ANTXR1: variants seen among roughly 807,000 people sequenced by gnomAD.
ANTXR1 encodes anthrax toxin receptor 1.
Under a neutral mutation model 78.1 loss-of-function variants are expected in ANTXR1, and 19 were observed. The ratio of observed to expected loss-of-function variants is 0.24; its 90% CI spans 0.17 to 0.36. The LOEUF (loss-of-function observed/expected upper bound fraction) is 0.36, where lower values mean the gene tolerates loss of function less well. Among genes scored for constraint, ANTXR1 ranks in the 10% least tolerant of loss-of-function variants. ANTXR1 has a pLI of 1.00. For synonymous variants in ANTXR1, 273 were observed against 260.5 expected (o/e 1.05, Z -0.46); for missense variants, 518 against 718.6 (o/e 0.72, Z 3.19).
At chr2:69,224,509 C>G (rs769271164) in intron 17 of ANTXR1, among the ~76,000 whole-genome samples, 6 of 152,184 alleles carry the variant, frequency 3.9e-5, no homozygotes, top group Non-Finnish European at 8.8e-5. Flanking sequence ...GCCCTCAAAT[C>G]TCTACCTCCC....
chr2:69,152,245 G>A lies in ANTXR1; in HGVS notation c.1028G>A (p.Trp343Ter), dbSNP rs1416298594. The A allele has an allele frequency of 6.2e-7, 1 of 1,614,150 alleles. No individual in the cohort carries two copies. Among genetic ancestry groups the A allele is most frequent in the Non-Finnish European group, 8.5e-7 (1 of 1,180,030 alleles). The change falls in exon 13 of 18, where the codon TGG (tryptophan) becomes TAG (stop). Residue 343 changes from tryptophan to a stop codon, truncating the protein, a stop_gained. Transcript: ENST00000303714. LOFTEE classifies it high-confidence loss of function. The part of the protein sequence containing the change: ...LLALALLWWF[W>*]PLCCTVIIKE... ...GCCCTGGCTCTCCTCTGGTGGTTCT[G>A]GCCCCTCTGCTGCACTGTGGTAAGT... is the stretch of plus-strand genomic sequence containing the variant.
Position 69,041,931 on chromosome 2 carries a change from C to G in ANTXR1, c.224+1816C>G, listed in dbSNP as rs552605269. Among the ~76,000 whole-genome samples, 4 of 152,304 alleles carry G rather than the reference C, an allele frequency of 2.6e-5. No homozygotes were observed. The East Asian group carries it at 7.7e-4, about 29-fold the overall frequency. ...GTGGAGCCAAGATCTTACCATCACC[C>G]AAACTCCACCAGGCAGAGGCTGGGC... On this transcript the variant is annotated intron_variant, in intron 2 of 17. Transcript: ENST00000303714.
intron 8 of ANTXR1, among the ~76,000 whole-genome samples, chr2:69,078,028 G>T (rs944828090): frequency 6.6e-6 from 1 of 152,162 alleles, no homozygotes; most frequent in Non-Finnish European, 1.5e-5. Flanking sequence ...CACTGCTTTC[G>T]ACCTATAATC....
At chr2:69,207,917 C>T (rs1419099071) in intron 17 of ANTXR1, among the ~76,000 whole-genome samples, 1 of 152,126 alleles carries the variant, frequency 6.6e-6, no homozygotes, top group Non-Finnish European at 1.5e-5. Flanking sequence ...GAGTCTGGGG[C>T]TTTTTATGAA....
rs187495560 is a variant in ANTXR1 at position 69,191,682 on chromosome 2, G to C, written c.1354-1653G>C. On this transcript the variant is annotated intron_variant, in intron 16 of 17. Transcript: ENST00000303714. ...AAAAGTTCTGGTCCCATACAAAATT[G>C]ATTTCATAAGGGCTTAAAGGGTTGC... Among the ~76,000 whole-genome samples, 93 of 152,268 alleles carry C rather than the reference G, an allele frequency of 6.1e-4. 1 individual carries two copies. Among genetic ancestry groups the C allele is most frequent in the Admixed American group, 2.6e-3 (40 of 15,296 alleles).
At chr2:69,168,884 G>A (rs1673901382) in intron 13 of ANTXR1, among the ~76,000 whole-genome samples, 1 of 152,246 alleles carries the variant, frequency 6.6e-6, no homozygotes, top group East Asian at 1.9e-4. Context: ...GAAACCCCTG[G>A]AGGCCTTCAC....
intron 6 of ANTXR1, among the ~76,000 whole-genome samples, chr2:69,074,574 A>G (rs944177220): frequency 8.5e-5 from 13 of 152,226 alleles, no homozygotes; most frequent in African/African-American, 3.1e-4. Flanking sequence ...TATAAAGTCC[A>G]ACTGGAGGAG....
rs1421855485 is a variant in ANTXR1, at chr2:69,227,550, C to T, written c.1435-17675C>T. Among the ~76,000 whole-genome samples, 3 of 152,152 alleles carry T rather than the reference C, an allele frequency of 2.0e-5. No individual in the cohort carries two copies. In the East Asian group the frequency reaches 5.8e-4, roughly 29 times the overall value. ...TATTTAGGTTAGAAGTTCAGCTGACCTACCAAAAGCCCAAAATAATACAAG... is the reference window on the plus strand; with the variant it reads ...TATTTAGGTTAGAAGTTCAGCTGACTTACCAAAAGCCCAAAATAATACAAG... On this transcript the variant is annotated intron_variant, in intron 17 of 17. Coordinates refer to ENST00000303714, the MANE Select transcript of ANTXR1 (RefSeq NM_032208.3).
chr2:69,035,051 A>C (rs923209924), intron 1 of ANTXR1, among the ~76,000 whole-genome samples: 6 of 152,174 alleles, frequency 3.9e-5, no homozygotes, highest in African/African-American at 1.2e-4. Flanking sequence ...TTTCCACACC[A>C]GAAGATCAGT....
At chr2:69,052,948 T>C (rs1025969518) in intron 3 of ANTXR1, among the ~76,000 whole-genome samples, 6 of 152,206 alleles carry the variant, frequency 3.9e-5, no homozygotes, top group Non-Finnish European at 8.8e-5. Context: ...ATGAATACTT[T>C]CCTGTTCCTA....
chr2:69,184,736 A>T (rs1674378920), intron 16 of ANTXR1, among the ~76,000 whole-genome samples: 1 of 152,194 alleles, frequency 6.6e-6, no homozygotes, highest in African/African-American at 2.4e-5. Context: ...CCCAACACCC[A>T]CTTGGAATTA....
At chr2:69,017,717 T>A (rs1671063166) in intron 1 of ANTXR1, among the ~76,000 whole-genome samples, 1 of 152,150 alleles carries the variant, frequency 6.6e-6, no homozygotes, top group South Asian at 2.1e-4. Flanking sequence ...GCTTTTCTGG[T>A]TATAGTCAGG....
chr2:69,180,287 C>G (rs1026508429), intron 14 of ANTXR1, among the ~76,000 whole-genome samples: 4 of 152,272 alleles, frequency 2.6e-5, no homozygotes, highest in African/African-American at 9.6e-5. Context: ...CTGTGAGAAG[C>G]AGGCTTCAGC....
At chr2:69,053,987 T>C (rs565950556) in intron 3 of ANTXR1, among the ~76,000 whole-genome samples, 1 of 152,326 alleles carries the variant, frequency 6.6e-6, no homozygotes, top group South Asian at 2.1e-4. Flanking sequence ...CCAATATGTG[T>C]ATGTACATAT....
chr2:69,079,619 G>C (rs1400266183), intron 8 of ANTXR1, among the ~76,000 whole-genome samples: 2 of 152,158 alleles, frequency 1.3e-5, no homozygotes, highest in African/African-American at 4.8e-5. Flanking sequence ...ATTAACATGA[G>C]CCTCGAAGGG....
At chr2:69,054,349 A>G (rs1670010478) in intron 3 of ANTXR1, among the ~76,000 whole-genome samples, 1 of 152,156 alleles carries the variant, frequency 6.6e-6, no homozygotes, top group South Asian at 2.1e-4. Context: ...ATCTAAGCAT[A>G]CATAATTCAC....
chr2:69,216,814 C>A (rs1675190372), intron 17 of ANTXR1, among the ~76,000 whole-genome samples: 1 of 152,192 alleles, frequency 6.6e-6, no homozygotes, highest in Admixed American at 6.5e-5. Flanking sequence ...TTAATACTAC[C>A]AACAAATATT....
At chr2:69,174,425 A>G (rs1285748140) in intron 14 of ANTXR1, among the ~76,000 whole-genome samples, 1 of 152,144 alleles carries the variant, frequency 6.6e-6, no homozygotes, top group Non-Finnish European at 1.5e-5. Flanking sequence ...AGTACTTGAG[A>G]CCAGCCTGGC....
intron 13 of ANTXR1, among the ~76,000 whole-genome samples, chr2:69,167,621 C>T (rs1445449589): frequency 6.6e-6 from 1 of 152,218 alleles, no homozygotes; most frequent in Non-Finnish European, 1.5e-5. Flanking sequence ...TGGTGAGCTG[C>T]ACCCTGCTCC....
Sources: gnomAD v4.1 joint callset for allele counts (sites outside exome capture counted in the v4.1 genomes callset) on GRCh38, gnomAD v4.1.1 for gene constraint, MANE v1.5 for transcripts, NCBI Gene and HGNC (gene_info 2026-07-23, HGNC 2026-07-21) for gene names.